CNGB3: variants seen among roughly 807,000 people sequenced by gnomAD.
CNGB3 encodes the protein cyclic nucleotide gated channel subunit beta 3.
A neutral mutation model predicts 92.8 loss-of-function variants in CNGB3; 86 were observed. The observed-to-expected ratio is 0.93, with a 90% CI of 0.78 to 1.11. The LOEUF is 1.11. Ranked by LOEUF, CNGB3 falls within the 50% of genes least tolerant of loss-of-function variation. The probability of loss-of-function intolerance (pLI) is 0.00; values close to 1 mark genes in which losing one functional copy is unlikely to be tolerated. For missense variants in CNGB3, 1,026 were observed against 956.8 expected (o/e 1.07, Z -0.95); for synonymous variants, 333 against 332.7 (o/e 1.00, Z -0.01).
intron 2 of CNGB3, among the ~76,000 whole-genome samples, chr8:86,729,758 C>T (rs569378491): frequency 6.6e-6 from 1 of 152,304 alleles, no homozygotes; most frequent in African/African-American, 2.4e-5. Flanking sequence ...TTTGCATCAT[C>T]CTCATCATGA....
chr8:86,730,894 T>G (rs1448848473), intron 2 of CNGB3, among the ~76,000 whole-genome samples: 1 of 152,156 alleles, frequency 6.6e-6, no homozygotes, highest in Non-Finnish European at 1.5e-5. Flanking sequence ...TAAAATGGCA[T>G]TCAGAAGAAC....
intron 11 of CNGB3, among the ~76,000 whole-genome samples, chr8:86,630,114 C>A (rs1822932399): frequency 6.6e-6 from 1 of 152,186 alleles, no homozygotes; most frequent in Non-Finnish European, 1.5e-5. Context: ...CATATTAAAA[C>A]TATCTGCAGA....
intron 15 of CNGB3, among the ~76,000 whole-genome samples, chr8:86,579,792 C>A (rs562803946): frequency 6.6e-6 from 1 of 152,324 alleles, no homozygotes; most frequent in African/African-American, 2.4e-5. Flanking sequence ...TCTACAGCTC[C>A]TGACACATGG....
intron 9 of CNGB3, 83 bp downstream of exon 9, chr8:86,644,539 G>T: frequency 6.5e-7 from 1 of 1,539,156 alleles, no homozygotes; most frequent in Admixed American, 1.8e-5. Flanking sequence ...TGAAGAGGGG[G>T]GTCATATCCC....
chr8:86,621,644 C>A (rs1026786700), intron 13 of CNGB3, among the ~76,000 whole-genome samples: 1 of 152,228 alleles, frequency 6.6e-6, no homozygotes, highest in African/African-American at 2.4e-5. Flanking sequence ...CCCTTCCCAC[C>A]CTTCTCCCTG....
intron 15 of CNGB3, among the ~76,000 whole-genome samples, chr8:86,579,933 T>C (rs1821730927): frequency 6.6e-6 from 1 of 152,184 alleles, no homozygotes; most frequent in Non-Finnish European, 1.5e-5. Flanking sequence ...CATTGCCACC[T>C]TTTGTTGGTG....
intron 3 of CNGB3, among the ~76,000 whole-genome samples, chr8:86,721,470 G>T (rs1675012760): frequency 6.6e-6 from 1 of 152,070 alleles, no homozygotes; most frequent in South Asian, 2.1e-4. Context: ...AGTGTTCTCT[G>T]CTCAGGATGA....
At chr8:86,720,830 A>T in intron 3 of CNGB3, among the ~76,000 whole-genome samples, 1 of 65,140 alleles carries the variant, frequency 1.5e-5, no homozygotes, top group African/African-American at 8.0e-5. Flanking sequence ...ATATATATAT[A>T]TATATGTATA....
rs1823929550 is a variant in CNGB3 at position 86,674,702 on chromosome 8, C to A, written c.339-3604G>T. Among the ~76,000 whole-genome samples, 5 of 152,146 alleles carry A rather than the reference C, an allele frequency of 3.3e-5. No individual in the cohort carries two copies. The South Asian group carries it at 1.0e-3, about 31-fold the overall frequency. On this transcript the variant is annotated intron_variant, in intron 3 of 17. Transcript: ENST00000320005. ...TTTTATGCTTTTTAAAGAATTATTCCTAATTCCATGATGAAAGTTTTGGTA... is the reference window on the plus strand; with the variant it reads ...TTTTATGCTTTTTAAAGAATTATTCATAATTCCATGATGAAAGTTTTGGTA...
At chr8:86,681,719 G>C (rs1196516950) in intron 3 of CNGB3, among the ~76,000 whole-genome samples, 1 of 152,058 alleles carries the variant, frequency 6.6e-6, no homozygotes, top group African/African-American at 2.4e-5. Flanking sequence ...AGCTTCAAGA[G>C]ATGGAAAAAA....
At chr8:86,580,930 G>C (rs1003765165) in intron 15 of CNGB3, among the ~76,000 whole-genome samples, 1 of 152,138 alleles carries the variant, frequency 6.6e-6, no homozygotes, top group Non-Finnish European at 1.5e-5. Flanking sequence ...TCTGACCTTT[G>C]GAAGCAATGA....
chr8:86,641,804 G>A (rs1823193708), intron 10 of CNGB3, among the ~76,000 whole-genome samples: 2 of 151,808 alleles, frequency 1.3e-5, no homozygotes, highest in Non-Finnish European at 2.9e-5. Flanking sequence ...GAAAACTGTT[G>A]TAATTGTATT....
In CNGB3 at chr8:86,575,963, T is replaced by C; in HGVS notation, c.2271A>G (p.Thr757=). 1.2e-6 allele frequency: 2 copies of C among 1,614,196 alleles called. No homozygotes were observed. Among genetic ancestry groups the C allele is most frequent in the Non-Finnish European group, 1.7e-6 (2 of 1,180,020 alleles). The part of the protein sequence containing the change: ...EEKPLDRPEC[T]ASPIAVEEEP... ...CTTCCTCCACTGCAATAGGACTTGC[T>C]GTACATTCAGGTCTGTCCAGTGGCT... The change falls in exon 18 of 18, where the codon ACA becomes ACG. Residue 757 remains threonine (T), a synonymous_variant. Transcript: ENST00000320005.
rs145301681 is a variant in CNGB3, at chr8:86,579,487, G to C, written c.1782-235C>G. On this transcript the variant is annotated intron_variant, in intron 15 of 17. Coordinates refer to ENST00000320005, the MANE Select transcript of CNGB3 (RefSeq NM_019098.5). ...TAAGTCCCACAAATCAAGGACTTGT[G>C]GCTGTCAGTATCCTGTCAGATCCTT... is the stretch of plus-strand genomic sequence containing the variant. 2.2e-4 allele frequency among the ~76,000 whole-genome samples: 34 copies of C among 152,202 alleles called. No individual in the cohort carries two copies. The East Asian group carries it at 6.4e-3, about 29-fold the overall frequency.
chr8:86,590,521 T>G (rs1822004811), intron 15 of CNGB3, among the ~76,000 whole-genome samples: 2 of 152,228 alleles, frequency 1.3e-5, no homozygotes, highest in East Asian at 1.9e-4. Context: ...AGGAGCTCTT[T>G]TAGGGCAGGC....
At chr8:86,691,455 T>A (rs886852116) in intron 3 of CNGB3, among the ~76,000 whole-genome samples, 1 of 152,178 alleles carries the variant, frequency 6.6e-6, no homozygotes, top group African/African-American at 2.4e-5. Flanking sequence ...ATTCCAGTTC[T>A]CAGGGGAAAT....
At chr8:86,660,847 T>G in intron 6 of CNGB3, 1 of 426,802 alleles carries the variant, frequency 2.3e-6, no homozygotes, top group Non-Finnish European at 4.8e-6. Context: ...CAATTCAGTT[T>G]AAGGTCCTCT....
chr8:86,583,703 G>A (rs1821836352), intron 15 of CNGB3, among the ~76,000 whole-genome samples: 1 of 151,770 alleles, frequency 6.6e-6, no homozygotes, highest in African/African-American at 2.4e-5. Context: ...GCAGATTGCT[G>A]GAGCCCAGGA....
In CNGB3 at chr8:86,632,715, A is replaced by G. The variant is rs1034993196; in HGVS notation, c.1320+37T>C. ...AAAGACCTGTTAGTCTTTCAAAATG[A>G]CAGCACTGTGTATCCAGTGATTCAT... On this transcript the variant is annotated intron_variant, in intron 11 of 17. Transcript: ENST00000320005. The G allele has an allele frequency of 3.1e-6, 5 of 1,605,772 alleles. No homozygotes were observed. In the Admixed American group the frequency reaches 5.0e-5, roughly 16 times the overall value.
Sources: allele counts gnomAD v4.1 joint callset (sites outside exome capture counted in the v4.1 genomes callset), GRCh38; gene constraint gnomAD v4.1.1; transcripts MANE v1.5; gene names NCBI Gene and HGNC (gene_info 2026-07-23, HGNC 2026-07-21).